Variants in SPIDR observed in about 807,000 individuals in gnomAD.
SPIDR encodes the protein DNA repair-scaffolding protein.
SPIDR carries 93 observed loss-of-function variants against 104.6 expected under a neutral mutation model. That is an observed-to-expected ratio of 0.89 (90% CI 0.75 to 1.06). The LOEUF is 1.06. Among genes scored for constraint, SPIDR ranks in the 50% least tolerant of loss-of-function variants. The pLI, the probability that SPIDR is intolerant of heterozygous loss-of-function variation, is 0.00. For synonymous variants in SPIDR, 431 were observed against 416.9 expected (o/e 1.03, Z -0.41); for missense variants, 1,154 against 1,111.2 (o/e 1.04, Z -0.55).
intron 8 of SPIDR, among the ~76,000 whole-genome samples, chr8:47,549,210 A>G (rs2090023672): frequency 6.6e-6 from 1 of 152,220 alleles, no homozygotes; most frequent in South Asian, 2.1e-4. Context: ...TGCTATTGTG[A>G]ATATTGCTGC....
chr8:47,278,498 A>C (rs1554556019), intron 1 of SPIDR, among the ~76,000 whole-genome samples: 1 of 151,728 alleles, frequency 6.6e-6, no homozygotes, highest in East Asian at 1.9e-4. Context: ...TCTAAAAAAA[A>C]TTTGTAGACA....
chr8:47,321,972 G>C (rs1187490476), intron 5 of SPIDR, among the ~76,000 whole-genome samples: 1 of 152,104 alleles, frequency 6.6e-6, no homozygotes, highest in Non-Finnish European at 1.5e-5. Flanking sequence ...TTAAATGTTA[G>C]ACCTGAAACC....
intron 11 of SPIDR, among the ~76,000 whole-genome samples, chr8:47,693,188 G>GT (rs1379733872): frequency 6.6e-6 from 1 of 152,214 alleles, no homozygotes; most frequent in Non-Finnish European, 1.5e-5. Context: ...CTCAAGTATT[G>GT]TTTTTTTGTG....
chr8:47,292,329 A>G (rs1203751437), intron 4 of SPIDR, among the ~76,000 whole-genome samples: 2 of 152,316 alleles, frequency 1.3e-5, no homozygotes, highest in South Asian at 2.1e-4. Context: ...AACTATTAAT[A>G]TCATTGACCT....
At chr8:47,367,057 ACTT>A (rs2057323357) in intron 5 of SPIDR, among the ~76,000 whole-genome samples, 1 of 152,190 alleles carries the variant, frequency 6.6e-6, no homozygotes, top group Admixed American at 6.5e-5. Context: ...GGCACAGTTG[ACTT>A]CGAGAAGGGA....
chr8:47,361,277 T>G (rs2055857547), intron 5 of SPIDR, among the ~76,000 whole-genome samples: 1 of 152,186 alleles, frequency 6.6e-6, no homozygotes, highest in African/African-American at 2.4e-5. Context: ...AATCATTAAT[T>G]TTTATAAGAA....
intron 10 of SPIDR, among the ~76,000 whole-genome samples, chr8:47,608,903 A>G (rs150357512): frequency 0.025 from 3,753 of 151,938 alleles, 117 homozygotes; most frequent in East Asian, 0.089. Context: ...AATTTTTTGT[A>G]TTTTTAGTAG....
rs368887461 is a variant in SPIDR, at chr8:47,713,593, G to A, written c.2293G>A (p.Asp765Asn). The change falls in exon 16 of 20, where the codon GAC becomes AAC. Residue 765 changes from aspartate (D) to asparagine (N), a missense_variant. Asp to Asn is a conservative substitution (Grantham distance 23). Coordinates refer to ENST00000297423, the MANE Select transcript of SPIDR (RefSeq NM_001080394.4). ...SCELPGPVML[D>N]SLDSATPVNS... ...TGAGCTGCCTGGCCCGGTGATGCTC[G>A]ACAGCCTGGACTCTGCAACACCTGT... The A allele has an allele frequency of 1.2e-5, 20 of 1,614,000 alleles. No individual in the cohort carries two copies. The highest frequency in any genetic ancestry group is 9.3e-5 in the African/African-American group (7 of 74,900).
At chr8:47,422,625 C>T (rs1314475874) in intron 7 of SPIDR, among the ~76,000 whole-genome samples, 4 of 152,244 alleles carry the variant, frequency 2.6e-5, no homozygotes, top group Non-Finnish European at 4.4e-5. Flanking sequence ...CCTGCACCCA[C>T]TGTCTGACCA....
chr8:47,422,461 C>T (rs544586575), intron 7 of SPIDR, among the ~76,000 whole-genome samples: 7 of 152,312 alleles, frequency 4.6e-5, no homozygotes, highest in Admixed American at 2.0e-4. Flanking sequence ...ATTGGAAAAG[C>T]GCAGTATTAG....
intron 8 of SPIDR, chr8:47,511,084 G>T (rs2082245549): frequency 3.3e-6 from 4 of 1,222,414 alleles, no homozygotes; most frequent in Admixed American, 1.7e-5. Context: ...TTCCTTCAGG[G>T]TCCAGCTCTC....
chr8:47,575,977 C>CTT (rs555884501), intron 8 of SPIDR, among the ~76,000 whole-genome samples: 1 of 141,000 alleles, frequency 7.1e-6, no homozygotes, highest in Admixed American at 7.0e-5. Flanking sequence ...AAAAAAGTTT[C>CTT]TTTTTTTTTT....
chr8:47,461,636 TC>T (rs1318535165), intron 8 of SPIDR, among the ~76,000 whole-genome samples: 2 of 152,058 alleles, frequency 1.3e-5, no homozygotes, highest in Non-Finnish European at 1.5e-5. Flanking sequence ...ATTTTTTCTT[TC>T]TCTTTGATGG....
Position 47,735,541 on chromosome 8 carries a change from C to T in SPIDR, c.*91C>T. ...GGGGTAGTTATTTGTTAACTATGGA[C>T]ACAGTGAACGTAGTTTACGATCTTG... On this transcript the variant is annotated 3_prime_UTR_variant, in exon 20 of 20. Coordinates refer to ENST00000297423, the MANE Select transcript of SPIDR (RefSeq NM_001080394.4). 6.3e-7 allele frequency: 1 copy of T among 1,593,286 alleles called. No individual in the cohort carries two copies. Among genetic ancestry groups the T allele is most frequent in the Non-Finnish European group, 8.6e-7 (1 of 1,168,942 alleles).
intron 7 of SPIDR, among the ~76,000 whole-genome samples, chr8:47,433,175 G>A (rs1554690234): frequency 1.3e-5 from 2 of 151,776 alleles, no homozygotes; most frequent in Admixed American, 1.3e-4. Context: ...AAGTTCTATT[G>A]GCTCTACCTT....
intron 8 of SPIDR, among the ~76,000 whole-genome samples, chr8:47,575,999 A>G (rs1428021973): frequency 6.8e-6 from 1 of 148,036 alleles, no homozygotes; most frequent in African/African-American, 2.5e-5. Context: ...GTTTATCTTT[A>G]ATTTGTAGTT....
chr8:47,575,321 A>G (rs1353741811), intron 8 of SPIDR, among the ~76,000 whole-genome samples: 1 of 152,190 alleles, frequency 6.6e-6, no homozygotes, highest in Admixed American at 6.5e-5. Context: ...TTAAAAGAAT[A>G]CACTAAATAT....
rs150923596 is a variant in SPIDR, at chr8:47,652,368, G to A, written c.1545-21433G>A. Among the ~76,000 whole-genome samples, 472 of 152,296 alleles carry A rather than the reference G, an allele frequency of 3.1e-3. 5 individuals carry two copies. The highest frequency in any genetic ancestry group is 0.011 in the African/African-American group (461 of 41,564). On this transcript the variant is annotated intron_variant, in intron 10 of 19. Coordinates refer to ENST00000297423, the MANE Select transcript of SPIDR (RefSeq NM_001080394.4). ...ACTGCAAAGCAAAGTCCTAGAGGCC[G>A]TGTTTTGCTGGGCACCCAGGTCCAG...
chr8:47,595,817 A>T lies in SPIDR; in HGVS notation c.1104A>T (p.Lys368Asn). ...DTVRIFPPWQKLIIPSGSCPV... is the reference protein window; with the variant it reads ...DTVRIFPPWQNLIIPSGSCPV... Reference sequence around the variant, plus strand: ...ATGTCTTTCTCTTTTCCAGGCAAAAACTGATTATTCCAAGTGGAAGTTGCC... The same window carrying T: ...ATGTCTTTCTCTTTTCCAGGCAAAATCTGATTATTCCAAGTGGAAGTTGCC... Residue 368 changes from lysine to asparagine, a missense_variant, in exon 9 of 20, where the codon AAA becomes AAT. Coordinates refer to ENST00000297423, the MANE Select transcript of SPIDR (RefSeq NM_001080394.4). The T allele has an allele frequency of 6.2e-7, 1 of 1,614,004 alleles. No individual in the cohort carries two copies. Among genetic ancestry groups the T allele is most frequent in the Non-Finnish European group, 8.5e-7 (1 of 1,179,978 alleles).
Sources: gnomAD v4.1 joint callset for allele counts (sites outside exome capture counted in the v4.1 genomes callset) on GRCh38, gnomAD v4.1.1 for gene constraint, MANE v1.5 for transcripts, NCBI Gene and HGNC (gene_info 2026-07-23, HGNC 2026-07-21) for gene names.